The following MTOR variants were observed in gnomAD, a reference collection of about 807,000 sequenced individuals.
MTOR encodes serine/threonine-protein kinase mTOR.
Under a neutral mutation model 319.8 loss-of-function variants are expected in MTOR, and 70 were observed. The observed-to-expected ratio is 0.22, with a 90% confidence interval of 0.18 to 0.27. The LOEUF is 0.27. Among genes scored for constraint, MTOR ranks in the 10% least tolerant of loss-of-function variants. The pLI, the probability that MTOR is intolerant of heterozygous loss-of-function variation, is 1.00. For missense variants in MTOR, 1,890 were observed against 3,274.4 expected (o/e 0.58, Z 10.32); for synonymous variants, 1,183 against 1,211.4 (o/e 0.98, Z 0.49).
chr1:11,232,896 T>C (rs960280824), intron 15 of MTOR: 4 of 573,716 alleles, frequency 7.0e-6, no homozygotes, highest in Non-Finnish European at 6.1e-6. Flanking sequence ...AATAAAAAAT[T>C]TTTTTTAAAA....
chr1:11,166,916 T>TA (rs1644662179), intron 29 of MTOR, among the ~76,000 whole-genome samples: 1 of 152,008 alleles, frequency 6.6e-6, no homozygotes. Flanking sequence ...TATGCAGCCA[T>TA]AAAAAAGGAT....
intron 33 of MTOR, 29 bp downstream of exon 33, chr1:11,144,939 T>C (rs747413885): frequency 1.2e-5 from 20 of 1,609,862 alleles, no homozygotes; most frequent in Non-Finnish European, 1.7e-5. Flanking sequence ...GCCTCAAAAA[T>C]GACAATGTGC....
At chr1:11,225,047 C>A (rs1646785919) in intron 19 of MTOR, among the ~76,000 whole-genome samples, 1 of 152,038 alleles carries the variant, frequency 6.6e-6, no homozygotes, top group Non-Finnish European at 1.5e-5. Context: ...AGGGATGAGG[C>A]AGAAACAGAA....
intron 19 of MTOR, among the ~76,000 whole-genome samples, chr1:11,227,696 C>T (rs77910300): frequency 0.018 from 2,816 of 152,254 alleles, 87 homozygotes; most frequent in African/African-American, 0.065. Context: ...GAAAATTCCT[C>T]TTCACAGAAA....
intron 28 of MTOR, among the ~76,000 whole-genome samples, chr1:11,168,868 G>A (rs778571538): frequency 4.6e-5 from 7 of 152,184 alleles, no homozygotes; most frequent in Admixed American, 2.0e-4. Flanking sequence ...ATAAGCCTGA[G>A]TTATGGAAGG....
intron 53 of MTOR, 140 bp downstream of exon 53, chr1:11,114,178 C>A (rs977970396): frequency 2.1e-6 from 2 of 971,610 alleles, no homozygotes; most frequent in Non-Finnish European, 1.5e-6. Context: ...TCAGTTTTTG[C>A]AGAAAGGGGT....
intron 56 of MTOR, among the ~76,000 whole-genome samples, chr1:11,108,964 G>C (rs1641719186): frequency 6.6e-6 from 1 of 151,892 alleles, no homozygotes; most frequent in Admixed American, 6.6e-5. Context: ...CTCCAGACTG[G>C]GCAATAAGAG....
intron 29 of MTOR, among the ~76,000 whole-genome samples, chr1:11,159,076 C>T (rs557419130): frequency 6.6e-6 from 1 of 152,314 alleles, no homozygotes; most frequent in African/African-American, 2.4e-5. Context: ...TCATTGAAGG[C>T]TGGCATTCTG....
intron 1 of MTOR, among the ~76,000 whole-genome samples, chr1:11,262,213 C>A (rs1035446685): frequency 6.6e-5 from 10 of 152,102 alleles, no homozygotes; most frequent in South Asian, 4.2e-4. Context: ...GGCCTTCGGG[C>A]GGACGTACCG....
rs757578132 is a variant in MTOR at position 11,133,121 on chromosome 1, A to G, written c.5323T>C (p.Tyr1775His). 3 of 1,614,138 alleles carry G rather than the reference A, an allele frequency of 1.9e-6. No individual in the cohort carries two copies. The highest frequency in any genetic ancestry group is 1.3e-5 in the African/African-American group (1 of 75,024). The change falls in exon 38 of 58, where the codon TAC becomes CAC. Residue 1775 changes from tyrosine (Y) to histidine (H), a missense_variant. By Grantham distance (83) the Tyr-to-His change is moderately conservative. Coordinates refer to ENST00000361445, the MANE Select transcript of MTOR (RefSeq NM_004958.4). The surrounding 1 kb of genome is among the most constrained non-coding windows in gnomAD (Gnocchi z 4.0). Reference protein sequence around the residue: ...NESTIPKVLQYYSAATEHDRS... With the variant: ...NESTIPKVLQHYSAATEHDRS... ...TCGTGCTCTGTGGCGGCGCTGTAGT[A>G]CTGCAGCACTTTGGGGATTGTGCTC...
intron 28 of MTOR, among the ~76,000 whole-genome samples, chr1:11,171,562 T>C (rs35016172): frequency 2.6e-5 from 4 of 151,958 alleles, no homozygotes; most frequent in Admixed American, 2.6e-4. Flanking sequence ...ATTATCACAG[T>C]GCATAAAAAA....
At chr1:11,114,774 A>T (rs1320574836) in intron 52 of MTOR, 39 bp downstream of exon 52, 2 of 1,591,386 alleles carry the variant, frequency 1.3e-6, no homozygotes, top group Non-Finnish European at 8.6e-7. Flanking sequence ...AACTGTCCTG[A>T]TCCCATTTGG....
intron 49 of MTOR, among the ~76,000 whole-genome samples, chr1:11,120,640 C>G (rs923750668): frequency 6.6e-6 from 1 of 152,078 alleles, no homozygotes; most frequent in African/African-American, 2.4e-5. Context: ...GTGTGAGCCA[C>G]TGCACCCAGC....
intron 29 of MTOR, among the ~76,000 whole-genome samples, chr1:11,164,552 T>C (rs184242522): frequency 6.6e-4 from 101 of 152,222 alleles, no homozygotes; most frequent in East Asian, 2.9e-3. Context: ...CAGTAGGAAG[T>C]TGAATCCCTG....
At chr1:11,152,045 A>C (rs1644165170) in intron 30 of MTOR, among the ~76,000 whole-genome samples, 1 of 152,232 alleles carries the variant, frequency 6.6e-6, no homozygotes. Context: ...TGAACTTCGC[A>C]CGGCCTTCAC....
intron 28 of MTOR, among the ~76,000 whole-genome samples, chr1:11,185,722 A>G (rs1645297961): frequency 6.6e-6 from 1 of 152,186 alleles, no homozygotes; most frequent in Non-Finnish European, 1.5e-5. Context: ...CAGGGAAAAG[A>G]TGGAAATATC....
intron 28 of MTOR, among the ~76,000 whole-genome samples, chr1:11,191,737 T>A (rs1645540433): frequency 6.6e-6 from 1 of 152,146 alleles, no homozygotes; most frequent in South Asian, 2.1e-4. Flanking sequence ...GCTAGCTGGA[T>A]GGAAGGGGAA....
intron 19 of MTOR, chr1:11,226,276 T>C (rs1034727036): frequency 6.6e-6 from 1 of 152,182 alleles, no homozygotes; most frequent in Non-Finnish European, 1.5e-5. Flanking sequence ...GCAGCACGTA[T>C]ACTAGCATTG....
intron 28 of MTOR, among the ~76,000 whole-genome samples, chr1:11,190,872 C>T (rs970577738): frequency 6.6e-6 from 1 of 152,212 alleles, no homozygotes; most frequent in Non-Finnish European, 1.5e-5. Context: ...CTTCTACTGA[C>T]TAAGTCAATG....
Sources: allele counts gnomAD v4.1 joint callset (sites outside exome capture counted in the v4.1 genomes callset), GRCh38; gene constraint gnomAD v4.1.1; non-coding constraint Gnocchi (gnomAD v3.1); transcripts MANE v1.5; gene names NCBI Gene and HGNC (gene_info 2026-07-23, HGNC 2026-07-21).